The following BMAL2 variants were observed in gnomAD, a reference collection of about 807,000 sequenced individuals.
The protein encoded by BMAL2 is basic helix-loop-helix ARNT like 2, also known as basic helix-loop-helix ARNT-like protein 2.
chr12:27,337,708 G>C, the BMAL2 span, among the ~76,000 whole-genome samples: 2 of 152,178 alleles, frequency 1.3e-5, no homozygotes, highest in African/African-American at 4.8e-5. Flanking sequence ...TTCATTACTT[G>C]TCAGCTTTGT....
At chr12:27,398,639 A>C in the BMAL2 span, among the ~76,000 whole-genome samples, 2 of 152,214 alleles carry the variant, frequency 1.3e-5, no homozygotes, top group Non-Finnish European at 2.9e-5. Context: ...AAATTTGCCA[A>C]CTGAATAAAT....
chr12:27,399,605 A>G, the BMAL2 span, among the ~76,000 whole-genome samples: 1 of 152,242 alleles, frequency 6.6e-6, no homozygotes, highest in Non-Finnish European at 1.5e-5. Flanking sequence ...ATCTTATATG[A>G]CAGTTCATAT....
At chr12:27,378,168 C>T in the BMAL2 span, among the ~76,000 whole-genome samples, 2 of 152,184 alleles carry the variant, frequency 1.3e-5, no homozygotes, top group South Asian at 2.1e-4. Context: ...ATCTAAGATA[C>T]ACTTTTCTCC....
the BMAL2 span, among the ~76,000 whole-genome samples, chr12:27,386,783 C>T: frequency 3.6e-3 from 549 of 152,264 alleles, 2 homozygotes; most frequent in African/African-American, 0.012. Context: ...GCGTGCACCA[C>T]CATGCCCGGC....
the BMAL2 span, among the ~76,000 whole-genome samples, chr12:27,378,035 C>T: frequency 6.6e-6 from 1 of 152,178 alleles, no homozygotes; most frequent in Admixed American, 6.5e-5. Flanking sequence ...AAGTCTCCCA[C>T]TTACCCTCTT....
the BMAL2 span, among the ~76,000 whole-genome samples, chr12:27,367,851 C>T: frequency 6.6e-6 from 1 of 150,908 alleles, no homozygotes; most frequent in African/African-American, 2.4e-5. Flanking sequence ...TATATGTATA[C>T]ACATTTTTTT....
the BMAL2 span, among the ~76,000 whole-genome samples, chr12:27,391,014 G>T: frequency 1.3e-5 from 2 of 152,156 alleles, no homozygotes; most frequent in Non-Finnish European, 2.9e-5. Flanking sequence ...CGCTAACCCT[G>T]TGCCAGATAC....
At chr12:27,385,677 G>A in the BMAL2 span, 46 of 615,942 alleles carry the variant, frequency 7.5e-5, 1 homozygote, top group Middle Eastern at 4.3e-4. Flanking sequence ...ATATTACACC[G>A]TATTTCCTTT....
the BMAL2 span, among the ~76,000 whole-genome samples, chr12:27,385,173 G>T: frequency 6.6e-6 from 1 of 152,122 alleles, no homozygotes. Context: ...AATTAGCTGG[G>T]CGTGGTGGCA....
the BMAL2 span, among the ~76,000 whole-genome samples, chr12:27,334,299 CTCTTAG>C: frequency 6.6e-6 from 1 of 152,262 alleles, no homozygotes; most frequent in East Asian, 1.9e-4. Flanking sequence ...TATTTGAAAT[CTCTTAG>C]TCTAAGTTCC....
chr12:27,408,706 C>G, the BMAL2 span, among the ~76,000 whole-genome samples: 1 of 152,162 alleles, frequency 6.6e-6, no homozygotes, highest in Non-Finnish European at 1.5e-5. Context: ...CCGTCTCTCA[C>G]CACTCCTATA....
the BMAL2 span, among the ~76,000 whole-genome samples, chr12:27,381,034 C>T: frequency 6.6e-6 from 1 of 152,010 alleles, no homozygotes; most frequent in Non-Finnish European, 1.5e-5. Flanking sequence ...TGAGAGATTT[C>T]TATCCTTCAA....
chr12:27,374,393 C>A, the BMAL2 span, among the ~76,000 whole-genome samples: 1 of 152,056 alleles, frequency 6.6e-6, no homozygotes, highest in Non-Finnish European at 1.5e-5. Context: ...TGTAAGTAAT[C>A]TAGAGATGAT....
chr12:27,376,320 T>G, the BMAL2 span: 1 of 1,604,626 alleles, frequency 6.2e-7, no homozygotes, highest in East Asian at 2.2e-5. Flanking sequence ...TCATGTAGTT[T>G]GATATTTTAT....
the BMAL2 span, among the ~76,000 whole-genome samples, chr12:27,350,994 C>CCCTTTT: frequency 4.2e-5 from 4 of 94,274 alleles, no homozygotes; most frequent in African/African-American, 1.3e-4. Context: ...CCCACCCCCC[C>CCCTTTT]TTTTTTTTTT....
the BMAL2 span, among the ~76,000 whole-genome samples, chr12:27,361,980 G>A: frequency 6.6e-6 from 1 of 151,690 alleles, no homozygotes; most frequent in Admixed American, 6.6e-5. Flanking sequence ...TAATAAGGAA[G>A]TAGGATAGAA....
At chr12:27,390,076 C>T in the BMAL2 span, 1 of 1,611,296 alleles carries the variant, frequency 6.2e-7, no homozygotes, top group South Asian at 1.1e-5. Flanking sequence ...CCTATTCTCT[C>T]GCCCCCTTCT....
chr12:27,360,603 A>G, the BMAL2 span, among the ~76,000 whole-genome samples: 3 of 151,844 alleles, frequency 2.0e-5, no homozygotes, highest in East Asian at 1.9e-4. Context: ...TTTTCCTGAC[A>G]CCTTAGGCAT....
the BMAL2 span, among the ~76,000 whole-genome samples, chr12:27,355,729 T>C: frequency 6.6e-6 from 1 of 152,240 alleles, no homozygotes; most frequent in South Asian, 2.1e-4. Flanking sequence ...CCTTGGAATC[T>C]AGCAGTGTGT....
Sources: allele counts gnomAD v4.1 joint callset (sites outside exome capture counted in the v4.1 genomes callset), GRCh38; gene constraint gnomAD v4.1.1; transcripts MANE v1.5; gene names NCBI Gene and HGNC (gene_info 2026-07-23, HGNC 2026-07-21).